The following DECR1 variants were observed in gnomAD, a reference collection of about 807,000 sequenced individuals.
The protein encoded by DECR1 is 2,4-dienoyl-CoA reductase 1, also known as 2,4-dienoyl-CoA reductase [(3E)-enoyl-CoA-producing], mitochondrial.
A neutral mutation model predicts 38.8 loss-of-function variants in DECR1; 44 were observed. That is an observed-to-expected ratio of 1.13 (90% CI 0.89 to 1.46). The LOEUF (loss-of-function observed/expected upper bound fraction) is 1.46. Ranked by LOEUF, DECR1 falls within the 40% of genes most tolerant of loss-of-function variation. DECR1 has a pLI of 0.00. For synonymous variants in DECR1, 148 were observed against 135.2 expected (o/e 1.09, Z -0.66); for missense variants, 428 against 405.5 (o/e 1.06, Z -0.48).
Position 90,017,257 on chromosome 8 carries a change from G to A in DECR1, c.203G>A (p.Gly68Asp). The change falls in exon 2 of 10, where the codon GGT becomes GAT. Residue 68 changes from glycine (G) to aspartate (D), a missense_variant. Physicochemically the swap from Gly to Asp is moderately conservative, Grantham distance 94. Coordinates refer to ENST00000220764, the MANE Select transcript of DECR1 (RefSeq NM_001359.2). ...AAAGTGGCATTCATTACTGGGGGAG[G>A]TACTGGCCTTGGTAAAGGAATGACA... ...QGKVAFITGG[G>D]TGLGKGMTTL... 6.2e-7 allele frequency: 1 copy of A among 1,614,152 alleles called. No individual in the cohort carries two copies.
intron 6 of DECR1, among the ~76,000 whole-genome samples, chr8:90,042,158 G>T (rs1271044062): frequency 6.6e-6 from 1 of 152,054 alleles, no homozygotes; most frequent in Non-Finnish European, 1.5e-5. Flanking sequence ...TTATATTAAA[G>T]CCTAGTTAGA....
intron 5 of DECR1, chr8:90,029,355 A>G (rs964200122): frequency 6.6e-6 from 1 of 152,234 alleles, no homozygotes; most frequent in African/African-American, 2.4e-5. Flanking sequence ...TTTGGTGGAA[A>G]TAACTTTTAA....
rs181921853 is a variant in DECR1, at chr8:90,034,791, C to A, written c.566-2050C>A. Among the ~76,000 whole-genome samples, 102 of 152,254 alleles carry A rather than the reference C, an allele frequency of 6.7e-4. 1 individual carries two copies. Among genetic ancestry groups the A allele is most frequent in the African/African-American group, 2.2e-3 (93 of 41,552 alleles). ...TATTGAGAACCTGCTGTGTCCTAGACACTATTGACCACTGTATATGCAGTA... is the reference window on the plus strand; with the variant it reads ...TATTGAGAACCTGCTGTGTCCTAGAAACTATTGACCACTGTATATGCAGTA... On this transcript the variant is annotated intron_variant, in intron 5 of 9. Transcript: ENST00000220764.
chr8:90,021,230 A>ATGTTACATATGAAAC (rs1813155328), intron 5 of DECR1, among the ~76,000 whole-genome samples, 174 bp downstream of exon 5: 3 of 152,250 alleles, frequency 2.0e-5, no homozygotes, highest in East Asian at 3.8e-4. Context: ...GAGCAGTAAT[A>ATGTTACATATGAAAC]AATATATGTT....
Position 90,042,753 on chromosome 8 carries a change from T to C in DECR1, c.691T>C (p.Tyr231His). The C allele has an allele frequency of 6.2e-7, 1 of 1,613,582 alleles. No individual in the cohort carries two copies. The highest frequency in any genetic ancestry group is 8.5e-7 in the Non-Finnish European group (1 of 1,179,632). Reference sequence around the variant, plus strand: ...GTCTCTTGCAGCTGAATGGGGTAAATATGGAATGCGATTCAATGTGATTCA... The same window carrying C: ...GTCTCTTGCAGCTGAATGGGGTAAACATGGAATGCGATTCAATGTGATTCA... ...SKSLAAEWGK[Y>H]GMRFNVIQPG... The change falls in exon 7 of 10, where the codon TAT (tyrosine) becomes CAT (histidine). Residue 231 changes from tyrosine to histidine, a missense_variant. Transcript: ENST00000220764.
chr8:90,019,990 G>A (rs777962475), intron 4 of DECR1, among the ~76,000 whole-genome samples: 4 of 152,148 alleles, frequency 2.6e-5, no homozygotes, highest in Non-Finnish European at 4.4e-5. Flanking sequence ...GCTTCTCCTA[G>A]TAACTTTTGA....
Position 90,042,767 on chromosome 8 carries a change from C to A in DECR1, c.705C>A (p.Phe235Leu). The A allele has an allele frequency of 6.2e-7, 1 of 1,613,436 alleles. No homozygotes were observed. Among genetic ancestry groups the A allele is most frequent in the Non-Finnish European group, 8.5e-7 (1 of 1,179,594 alleles). The change falls in exon 7 of 10, where the codon TTC becomes TTA. Residue 235 changes from phenylalanine (F) to leucine (L), a missense_variant. Phe to Leu is a conservative substitution (Grantham distance 22). Transcript: ENST00000220764. ...AATGGGGTAAATATGGAATGCGATT[C>A]AATGTGATTCAACCAGGGCCTATAA... ...AAEWGKYGMR[F>L]NVIQPGPIKT...
At chr8:90,019,198 A>G in intron 4 of DECR1, 26 bp downstream of exon 4, 1 of 1,570,088 alleles carries the variant, frequency 6.4e-7, no homozygotes, top group Non-Finnish European at 8.8e-7. Context: ...ATGAAGCCAA[A>G]GTGCAAGACA....
intron 5 of DECR1, among the ~76,000 whole-genome samples, chr8:90,032,017 C>G (rs1415071276): frequency 6.6e-6 from 1 of 152,166 alleles, no homozygotes; most frequent in Non-Finnish European, 1.5e-5. Flanking sequence ...CTTAATATAT[C>G]ATATGCTTAT....
At chr8:90,033,415 GA>G (rs1813544104) in intron 5 of DECR1, among the ~76,000 whole-genome samples, 1 of 152,028 alleles carries the variant, frequency 6.6e-6, no homozygotes, top group African/African-American at 2.4e-5. Context: ...TGAGCTGTTA[GA>G]AACTTGACTT....
intron 6 of DECR1, among the ~76,000 whole-genome samples, chr8:90,037,209 G>T (rs554935550): frequency 8.0e-4 from 122 of 152,274 alleles, no homozygotes; most frequent in African/African-American, 2.8e-3. Flanking sequence ...ATATCCCACT[G>T]TGACTGAGAA....
chr8:90,002,035 G>C (rs1812627929), intron 1 of DECR1, among the ~76,000 whole-genome samples: 1 of 152,168 alleles, frequency 6.6e-6, no homozygotes, highest in Admixed American at 6.5e-5. Flanking sequence ...CGGGGCCCGG[G>C]TCGTATTCCA....
At chr8:90,001,699 G>A (rs1213531235) in intron 1 of DECR1, 138 bp downstream of exon 1, 20 of 760,944 alleles carry the variant, frequency 2.6e-5, no homozygotes, top group African/African-American at 7.1e-5. Context: ...CGTCCCGGGG[G>A]TTCGGGGAGC....
chr8:90,028,732 T>TC (rs917420048), intron 5 of DECR1, among the ~76,000 whole-genome samples: 1 of 151,408 alleles, frequency 6.6e-6, no homozygotes, highest in Non-Finnish European at 1.5e-5. Flanking sequence ...TTTCTTTTTT[T>TC]CCCTTATAAA....
chr8:90,048,954 A>G (rs1813990053), intron 8 of DECR1, among the ~76,000 whole-genome samples: 2 of 152,224 alleles, frequency 1.3e-5, no homozygotes, highest in Non-Finnish European at 2.9e-5. Context: ...GATTATCTCA[A>G]TAGATGCAGA....
At chr8:90,046,930 A>C (rs1003937734) in intron 8 of DECR1, among the ~76,000 whole-genome samples, 1 of 152,202 alleles carries the variant, frequency 6.6e-6, no homozygotes, top group Non-Finnish European at 1.5e-5. Context: ...TATCCAGCCA[A>C]ACTAAGCTTC....
chr8:90,020,591 G>A (rs181517450), intron 4 of DECR1, among the ~76,000 whole-genome samples: 19 of 152,174 alleles, frequency 1.2e-4, no homozygotes, highest in Admixed American at 1.1e-3. Context: ...ATGACGTCTC[G>A]CTTTGTTGCC....
intron 1 of DECR1, among the ~76,000 whole-genome samples, chr8:90,016,195 G>T (rs1813002011): frequency 6.6e-6 from 1 of 152,104 alleles, no homozygotes; most frequent in African/African-American, 2.4e-5. Context: ...ATGTTTTGTG[G>T]CCAGAAGCTA....
chr8:90,021,004 C>A lies in DECR1; in HGVS notation c.513C>A (p.Gly171=). ...WKTITDIVLN[G]TAFVTLEIGK... Reference sequence around the variant, plus strand: ...CCATAACTGACATAGTTCTAAATGGCACAGCCTTCGTGACACTAGAAATTG... The same window carrying A: ...CCATAACTGACATAGTTCTAAATGGAACAGCCTTCGTGACACTAGAAATTG... Residue 171 remains glycine (G), a synonymous_variant, in exon 5 of 10, where the codon GGC becomes GGA. Transcript: ENST00000220764. 1 of 1,596,180 alleles carries A rather than the reference C, an allele frequency of 6.3e-7. No homozygotes were observed. Among genetic ancestry groups the A allele is most frequent in the South Asian group, 1.1e-5 (1 of 87,148 alleles).
Sources: gnomAD v4.1 joint callset for allele counts (sites outside exome capture counted in the v4.1 genomes callset) on GRCh38, gnomAD v4.1.1 for gene constraint, MANE v1.5 for transcripts, NCBI Gene and HGNC (gene_info 2026-07-23, HGNC 2026-07-21) for gene names.